Variants in MYO1F observed in about 807,000 individuals in gnomAD.
MYO1F encodes the protein myosin IF.
Under a neutral mutation model 146.6 loss-of-function variants are expected in MYO1F, and 60 were observed. That is an observed-to-expected ratio of 0.41 (90% CI 0.33 to 0.51). The LOEUF (loss-of-function observed/expected upper bound fraction) is 0.51. Among genes scored for constraint, MYO1F ranks in the 20% least tolerant of loss-of-function variants. The pLI is 0.25. For missense variants in MYO1F, 1,274 were observed against 1,534.3 expected, an observed-to-expected ratio of 0.83 and a Z score of 2.83; for synonymous variants, 602 against 602.1, an observed-to-expected ratio of 1.00 and a Z score of 0.00.
rs1972449138 is a variant in MYO1F at position 8,530,651 on chromosome 19, C to T, written c.2044-78G>A. The T allele has an allele frequency of 1.8e-6, 2 of 1,136,314 alleles. No individual in the cohort carries two copies. Among genetic ancestry groups the T allele is most frequent in the South Asian group, 1.2e-5 (1 of 81,276 alleles). 70.4% of individuals were successfully genotyped at this position (1,136,314 alleles called of 1,614,324 possible). A position where few individuals can be genotyped will look rare whatever the true frequency, so the allele number is the denominator to read the frequency against. On this transcript the variant is annotated intron_variant, in intron 19 of 27. Coordinates refer to ENST00000644032, the MANE Select transcript of MYO1F (RefSeq NM_012335.4). This position sits in a 1 kb window ranked among gnomAD's most constrained non-coding sequence, Gnocchi z 5.8. ...TGCAGTTCCGGGTTTTCCCTGCGCT[C>T]ACCCTACTCACACGCTTTTGCTCAC...
At chr19:8,553,894 A>ACACTCTCTCTCTCTCTCTCT in intron 4 of MYO1F, among the ~76,000 whole-genome samples, 7 of 102,666 alleles carry the variant, frequency 6.8e-5, no homozygotes, top group Admixed American at 5.3e-4. Context: ...ACACACACAC[A>ACACTCTCTCTCTCTCTCTCT]CTCTCTCTCT....
At chr19:8,536,653 GT>G (rs1179269059) in intron 17 of MYO1F, 56 bp from the exon 18 acceptor site, 3 of 887,880 alleles carry the variant, frequency 3.4e-6, no homozygotes, top group Admixed American at 4.4e-5. Flanking sequence ...AGTCCTGGGG[GT>G]GGGTGGGAGG....
chr19:8,538,063 C>T (rs1448064344), intron 16 of MYO1F, among the ~76,000 whole-genome samples: 1 of 151,746 alleles, frequency 6.6e-6, no homozygotes, highest in African/African-American at 2.4e-5. Flanking sequence ...CCTCCGTCTC[C>T]CAGGTTCAAG....
intron 1 of MYO1F, among the ~76,000 whole-genome samples, chr19:8,557,721 G>C (rs1211585383): frequency 6.6e-6 from 1 of 152,194 alleles, no homozygotes; most frequent in Non-Finnish European, 1.5e-5. Context: ...TCTGCAGGCT[G>C]TAGGAGCAGA....
At chr19:8,539,312 G>A (rs113690085) in intron 16 of MYO1F, among the ~76,000 whole-genome samples, 465 of 152,274 alleles carry the variant, frequency 3.1e-3, no homozygotes, top group Non-Finnish European at 4.5e-3. Flanking sequence ...TACTTGGGAG[G>A]CTGAGGCAGG....
intron 1 of MYO1F, among the ~76,000 whole-genome samples, chr19:8,574,593 CTCTCTTTCTTTCTTTCTT>C (rs1391563638): frequency 1.8e-4 from 17 of 95,616 alleles, no homozygotes; most frequent in African/African-American, 4.2e-4. Context: ...CTCTCTCTCT[CTCTCTTTCTTTCTTTCTT>C]TCTTTCTTTC....
intron 1 of MYO1F, among the ~76,000 whole-genome samples, chr19:8,572,103 G>A (rs1485910049): frequency 6.6e-6 from 1 of 152,136 alleles, no homozygotes; most frequent in Non-Finnish European, 1.5e-5. Flanking sequence ...GGTGGCTACC[G>A]TCTCAAACAT....
chr19:8,526,650 C>T (rs1438938478), intron 23 of MYO1F, 49 bp from the exon 24 acceptor site: 1 of 1,560,154 alleles, frequency 6.4e-7, no homozygotes. Flanking sequence ...GTCCCCCGCC[C>T]CACCCAACTC....
intron 10 of MYO1F, 163 bp downstream of exon 10, chr19:8,549,997 G>T (rs1973534592): frequency 2.6e-6 from 2 of 761,224 alleles, no homozygotes; most frequent in Non-Finnish European, 4.4e-6. Flanking sequence ...TGGGGGTCTT[G>T]CTATGTTGCC....
At position 8,536,308 on chromosome 19, in the gene MYO1F, C is replaced by T. The variant is rs769105319; in HGVS notation, c.1987G>A (p.Glu663Lys). 1.9e-6 allele frequency: 3 copies of T among 1,608,244 alleles called. No individual in the cohort carries two copies. The highest frequency in any genetic ancestry group is 2.5e-6 in the Non-Finnish European group (3 of 1,179,984). ...CTCCCCATCTGGTACTGGTCGGGCT[C>T]CATGTTGACCGCCCGAAGCAGGTGC... ...VQHLLRAVNM[E>K]PDQYQMGSTK... The change falls in exon 19 of 28, where the codon GAG (glutamate) becomes AAG (lysine). Residue 663 changes from glutamate to lysine, a missense_variant. Physicochemically the swap from Glu to Lys is moderately conservative, Grantham distance 56 (BLOSUM62 1). Transcript: ENST00000644032.
At chr19:8,564,070 A>G (rs1240145270) in intron 1 of MYO1F, among the ~76,000 whole-genome samples, 1 of 152,100 alleles carries the variant, frequency 6.6e-6, no homozygotes, top group Non-Finnish European at 1.5e-5. Flanking sequence ...AGGAGGCCTA[A>G]TTAGGTGTTT....
At chr19:8,527,801 C>T (rs1006140426) in intron 21 of MYO1F, among the ~76,000 whole-genome samples, 1 of 152,170 alleles carries the variant, frequency 6.6e-6, no homozygotes, top group African/African-American at 2.4e-5. Flanking sequence ...TTTGTAGATT[C>T]AGGGTTTTGC....
chr19:8,529,163 C>G lies in MYO1F; in HGVS notation c.2328+1033G>C, dbSNP rs183400382. On this transcript the variant is annotated intron_variant, in intron 21 of 27. Coordinates refer to ENST00000644032, the MANE Select transcript of MYO1F (RefSeq NM_012335.4). ...CCAAGGTAGGTGAGGGTGTCCAGGC[C>G]ATATGAGACTATCCATCCAGGTAAA... is the stretch of plus-strand genomic sequence containing the variant. Among the ~76,000 whole-genome samples, 441 of 152,184 alleles carry G rather than the reference C, an allele frequency of 2.9e-3. 4 individuals carry two copies. The highest frequency in any genetic ancestry group is 0.01 in the African/African-American group (426 of 41,512).
chr19:8,543,762 G>A (rs201068411), intron 14 of MYO1F, among the ~76,000 whole-genome samples: 2 of 9,360 alleles, frequency 2.1e-4, no homozygotes, highest in African/African-American at 6.2e-4. Context: ...GGTGGTGGTG[G>A]TGGTGCTGGT....
rs779230794 is a variant in MYO1F, at chr19:8,530,648, G to A, written c.2044-75C>T. The A allele has an allele frequency of 1.3e-4, 158 of 1,186,086 alleles. No individual in the cohort carries two copies. Among genetic ancestry groups the A allele is most frequent in the Middle Eastern group, 2.0e-4 (1 of 5,084 alleles). 73.5% of individuals were successfully genotyped at this position (1,186,086 alleles called of 1,614,324 possible). ...GGCTGCAGTTCCGGGTTTTCCCTGC[G>A]CTCACCCTACTCACACGCTTTTGCT... is the stretch of plus-strand genomic sequence containing the variant. On this transcript the variant is annotated intron_variant, in intron 19 of 27. Coordinates refer to ENST00000644032, the MANE Select transcript of MYO1F (RefSeq NM_012335.4). The surrounding 1 kb of genome is among the most constrained non-coding windows in gnomAD (Gnocchi z 5.8).
intron 1 of MYO1F, among the ~76,000 whole-genome samples, chr19:8,560,224 C>T (rs1974027736): frequency 6.6e-6 from 1 of 151,924 alleles, no homozygotes; most frequent in Non-Finnish European, 1.5e-5. Context: ...GTGGCTCACG[C>T]CTGTAATCCC....
intron 12 of MYO1F, among the ~76,000 whole-genome samples, chr19:8,546,081 T>TG (rs1973342219): frequency 1.4e-5 from 2 of 141,544 alleles, no homozygotes; most frequent in South Asian, 4.4e-4. Flanking sequence ...TTTTTTTTTT[T>TG]GAGATGGAGT....
intron 1 of MYO1F, among the ~76,000 whole-genome samples, chr19:8,557,167 C>G (rs1167035006): frequency 2.6e-5 from 4 of 152,042 alleles, no homozygotes; most frequent in Non-Finnish European, 4.4e-5. Flanking sequence ...TGTCTGTGAT[C>G]ATAGCTACTC....
rs1224767194 is a variant in MYO1F, at chr19:8,553,184, G to A, written c.459C>T (p.Ala153=). 1 of 1,614,208 alleles carries A rather than the reference G, an allele frequency of 6.2e-7. No homozygotes were observed. Among genetic ancestry groups the A allele is most frequent in the Non-Finnish European group, 8.5e-7 (1 of 1,180,044 alleles). Residue 153 remains alanine (A), a synonymous_variant, in exon 6 of 28, where the codon GCC becomes GCT. Transcript: ENST00000644032. ...TGCGCACAGTCTTGGCGTTGCCGAA[G>A]GCCTCGAGCAGCGGGTTGGACTGCA... ...IILQSNPLLE[A]FGNAKTVRNN...
Sources: gnomAD v4.1 joint callset for allele counts (sites outside exome capture counted in the v4.1 genomes callset) on GRCh38, gnomAD v4.1.1 for gene constraint, Gnocchi (gnomAD v3.1) non-coding constraint, MANE v1.5 for transcripts, NCBI Gene and HGNC (gene_info 2026-07-23, HGNC 2026-07-21) for gene names.